CCDC144A: variants seen among roughly 807,000 people sequenced by gnomAD.
CCDC144A encodes coiled-coil domain containing 144A.
A neutral mutation model predicts 143.8 loss-of-function variants in CCDC144A; 41 were observed. That is an observed-to-expected ratio of 0.29 (90% CI 0.22 to 0.37). The LOEUF is 0.37. Among genes scored for constraint, CCDC144A ranks in the 10% least tolerant of loss-of-function variants. The probability of loss-of-function intolerance (pLI) is 1.00; values close to 1 mark genes in which losing one functional copy is unlikely to be tolerated. For synonymous variants in CCDC144A, 242 were observed against 517.9 expected (o/e 0.47, Z 7.23); for missense variants, 637 against 1,488.8 (o/e 0.43, Z 9.41).
upstream of CCDC144A, among the ~76,000 whole-genome samples, chr17:16,685,810 T>G (rs1360980310): frequency 6.6e-6 from 1 of 151,862 alleles, no homozygotes; most frequent in Non-Finnish European, 1.5e-5. Flanking sequence ...TCATTCTTAT[T>G]GCCCAGGCGG....
intron 9 of CCDC144A, chr17:16,728,036 T>G (rs980377134): frequency 9.6e-6 from 3 of 311,048 alleles, no homozygotes; most frequent in Non-Finnish European, 1.9e-5. Flanking sequence ...ATTAATGATG[T>G]AAGGAACATC....
intron 12 of CCDC144A, among the ~76,000 whole-genome samples, chr17:16,751,139 C>G (rs1409406366): frequency 2.0e-5 from 3 of 152,186 alleles, no homozygotes; most frequent in African/African-American, 7.2e-5. Flanking sequence ...CTGATTATTC[C>G]TCCTCTGAAA....
At chr17:16,715,521 G>C (rs1912699993) in intron 6 of CCDC144A, among the ~76,000 whole-genome samples, 2 of 151,972 alleles carry the variant, frequency 1.3e-5, no homozygotes, top group Non-Finnish European at 2.9e-5. Flanking sequence ...TTTTACTTAT[G>C]ATAAAATGGA....
the CCDC144A span, among the ~76,000 whole-genome samples, chr17:16,670,252 T>C: frequency 6.6e-6 from 1 of 151,848 alleles, no homozygotes; most frequent in Non-Finnish European, 1.5e-5. Context: ...TTGATCTCTT[T>C]GATGTGGTTC....
the CCDC144A span, among the ~76,000 whole-genome samples, chr17:16,667,285 G>GCGGCTGAGGCGGCTGAGGA: frequency 8.0e-6 from 1 of 125,676 alleles, no homozygotes; most frequent in East Asian, 4.2e-4. Flanking sequence ...AGGGGCTGAG[G>GCGGCTGAGGCGGCTGAGGA]GGTTGAGGCG....
chr17:16,714,105 C>T (rs1022657949), intron 6 of CCDC144A, among the ~76,000 whole-genome samples: 2 of 152,182 alleles, frequency 1.3e-5, no homozygotes, highest in African/African-American at 4.8e-5. Flanking sequence ...ATCTCACTCA[C>T]TCACCTGGCT....
intron 2 of CCDC144A, among the ~76,000 whole-genome samples, chr17:16,702,859 G>GTGCA (rs1911813279): frequency 6.6e-6 from 1 of 151,752 alleles, no homozygotes. Flanking sequence ...TAAGGTGAAC[G>GTGCA]TGCAGCACCA....
chr17:16,766,810 C>CTT (rs1047762592), intron 15 of CCDC144A, among the ~76,000 whole-genome samples: 1 of 150,178 alleles, frequency 6.7e-6, no homozygotes, highest in African/African-American at 2.5e-5. Flanking sequence ...TTTTGAGGAT[C>CTT]TTTTTTTTTT....
At chr17:16,675,247 C>T in the CCDC144A span, among the ~76,000 whole-genome samples, 7 of 139,580 alleles carry the variant, frequency 5.0e-5, no homozygotes, top group African/African-American at 5.5e-5. Flanking sequence ...CCAGCCTGGG[C>T]GACAGAGCAA....
At chr17:16,683,812 G>GCCGAGCGTGAAC in the CCDC144A span, 4 of 1,443,146 alleles carry the variant, frequency 2.8e-6, no homozygotes, top group Non-Finnish European at 3.9e-6. Flanking sequence ...CGAGCGTGAA[G>GCCGAGCGTGAAC]CCGAGCGTGA....
At chr17:16,755,299 A>G (rs1341749652) in intron 12 of CCDC144A, among the ~76,000 whole-genome samples, 2 of 152,316 alleles carry the variant, frequency 1.3e-5, no homozygotes, top group Admixed American at 1.3e-4. Context: ...TTTGTCTATC[A>G]TTTGTTCCTA....
chr17:16,667,354 G>GCGGCTGAGGA, the CCDC144A span, among the ~76,000 whole-genome samples: 6 of 96,618 alleles, frequency 6.2e-5, no homozygotes, highest in Admixed American at 9.8e-5. Flanking sequence ...AGGAGCTGAG[G>GCGGCTGAGGA]GGCTGAGGCG....
chr17:16,748,113 C>T (rs917788635), intron 12 of CCDC144A, among the ~76,000 whole-genome samples: 3 of 152,166 alleles, frequency 2.0e-5, no homozygotes, highest in African/African-American at 7.2e-5. Flanking sequence ...AGACTCCTGG[C>T]CTCAAGTGAT....
chr17:16,675,340 G>A, the CCDC144A span, among the ~76,000 whole-genome samples: 2 of 150,126 alleles, frequency 1.3e-5, no homozygotes, highest in Non-Finnish European at 3.0e-5. Context: ...CAGGGATAAA[G>A]AGAGAAAAAA....
chr17:16,724,787 ATTTTTTTTTTTTTTTTT>A (rs760344292), intron 8 of CCDC144A, among the ~76,000 whole-genome samples: 13 of 35,112 alleles, frequency 3.7e-4, no homozygotes, highest in African/African-American at 9.7e-4. Context: ...GATTAACTGA[ATTTTTTTTTTTTTTTTT>A]TTTTTTTTTT....
At chr17:16,745,943 G>T in intron 12 of CCDC144A, 1 of 1,604,878 alleles carries the variant, frequency 6.2e-7, no homozygotes. Context: ...GGTCAGGCTC[G>T]TGGTGAGCTC....
chr17:16,721,905 T>G (rs1425142155), intron 8 of CCDC144A, among the ~76,000 whole-genome samples: 1 of 152,208 alleles, frequency 6.6e-6, no homozygotes, highest in Non-Finnish European at 1.5e-5. Context: ...AAAGACAGTT[T>G]TACTTCTTCT....
chr17:16,698,207 A>C (rs1232226148), intron 2 of CCDC144A, among the ~76,000 whole-genome samples: 1 of 152,222 alleles, frequency 6.6e-6, no homozygotes, highest in Non-Finnish European at 1.5e-5. Context: ...AGCATTTCCC[A>C]GAGGAATTAG....
rs1238763648 is a variant in CCDC144A, at chr17:16,737,197, C to T, written c.3372+1554C>T. Among the ~76,000 whole-genome samples the T allele has an allele frequency of 2.6e-3, 324 of 124,098 alleles. 3 individuals carry two copies. The highest frequency in any genetic ancestry group is 9.6e-3 in the African/African-American group (300 of 31,330). 81.4% of individuals were successfully genotyped at this position (124,098 alleles called of 152,430 possible). ...TTTTTTTTTTTTTGAGACGGAGTCT[C>T]GCTCTGTCGCCCAGGCTGGAGTGCA... is the stretch of plus-strand genomic sequence containing the variant. On this transcript the variant is annotated intron_variant, in intron 12 of 16. Transcript: ENST00000399273.
Sources: gnomAD v4.1 joint callset for allele counts (sites outside exome capture counted in the v4.1 genomes callset) on GRCh38, gnomAD v4.1.1 for gene constraint, MANE v1.5 for transcripts, NCBI Gene and HGNC (gene_info 2026-07-23, HGNC 2026-07-21) for gene names.